NT5M: variants seen among roughly 807,000 people sequenced by gnomAD.
NT5M encodes the protein 5',3'-nucleotidase, mitochondrial.
A neutral mutation model predicts 22.2 loss-of-function variants in NT5M; 22 were observed. That is an observed-to-expected ratio of 0.99 (90% CI 0.71 to 1.41). The LOEUF is 1.41. NT5M is among the 40% of genes most tolerant of loss of function. The pLI is 0.00. For synonymous variants in NT5M, 167 were observed against 133.0 expected (o/e 1.26, Z -1.76); for missense variants, 322 against 314.8 (o/e 1.02, Z -0.17).
intron 3 of NT5M, among the ~76,000 whole-genome samples, chr17:17,324,425 A>G (rs1257643823): frequency 1.3e-5 from 2 of 151,366 alleles, no homozygotes; most frequent in Admixed American, 1.3e-4. Context: ...TGGAGGTTGC[A>G]GTGAGCCAAG....
chr17:17,329,256 G>A (rs1457411683), intron 3 of NT5M, among the ~76,000 whole-genome samples: 3 of 152,324 alleles, frequency 2.0e-5, no homozygotes, highest in South Asian at 2.1e-4. Flanking sequence ...GGGATTACAG[G>A]CGTGAGCCGC....
chr17:17,336,612 G>A (rs1394052049), intron 3 of NT5M, among the ~76,000 whole-genome samples: 4 of 147,878 alleles, frequency 2.7e-5, no homozygotes, highest in African/African-American at 5.0e-5. Context: ...GTGCAGTGGC[G>A]TGATCTCTAC....
At chr17:17,336,063 C>T (rs866720499) in intron 3 of NT5M, among the ~76,000 whole-genome samples, 29 of 138,128 alleles carry the variant, frequency 2.1e-4, no homozygotes, top group Admixed American at 8.0e-4. Context: ...AGTGCAGTGG[C>T]GCGATCTTAG....
chr17:17,346,743 A>T, intron 4 of NT5M, 62 bp from the exon 5 acceptor site: 1 of 1,595,710 alleles, frequency 6.3e-7, no homozygotes, highest in Non-Finnish European at 8.5e-7. Context: ...CCAGGTTTCC[A>T]CCCTAGGCGG....
intron 2 of NT5M, among the ~76,000 whole-genome samples, chr17:17,315,912 C>G (rs34025151): frequency 6.6e-6 from 1 of 150,614 alleles, no homozygotes; most frequent in Non-Finnish European, 1.5e-5. Context: ...CCACCACGCC[C>G]GGCTAATTTT....
intron 2 of NT5M, among the ~76,000 whole-genome samples, chr17:17,312,601 G>A (rs12949216): frequency 0.62 from 90,704 of 146,254 alleles, 28,989 homozygotes; most frequent in East Asian, 0.71. Flanking sequence ...CCAAGATTGC[G>A]CCATTGTACT....
intron 2 of NT5M, among the ~76,000 whole-genome samples, chr17:17,320,122 G>A (rs1341535959): frequency 1.3e-5 from 2 of 152,230 alleles, no homozygotes; most frequent in South Asian, 4.1e-4. Flanking sequence ...GATTACAGGC[G>A]TGAGCCACCA....
chr17:17,315,510 G>A (rs1211374920), intron 2 of NT5M, among the ~76,000 whole-genome samples: 4 of 152,296 alleles, frequency 2.6e-5, no homozygotes, highest in Non-Finnish European at 5.9e-5. Flanking sequence ...CTAGGGAGCT[G>A]AGAATTGACA....
At chr17:17,307,280 A>G (rs958230922) in intron 2 of NT5M, among the ~76,000 whole-genome samples, 1 of 152,204 alleles carries the variant, frequency 6.6e-6, no homozygotes, top group African/African-American at 2.4e-5. Context: ...TGAGCAAAGT[A>G]TAGTCCTTGC....
intron 3 of NT5M, among the ~76,000 whole-genome samples, chr17:17,341,116 A>G (rs2049632895): frequency 6.6e-6 from 1 of 152,082 alleles, no homozygotes; most frequent in African/African-American, 2.4e-5. Flanking sequence ...CTGTGTTTGT[A>G]TAGTTTCCAG....
At position 17,322,758 on chromosome 17, in the gene NT5M, G is replaced by A. The variant is rs1268224202; in HGVS notation, c.369-427G>A. 2.0e-5 allele frequency among the ~76,000 whole-genome samples: 3 copies of A among 152,190 alleles called. No individual in the cohort carries two copies. In the East Asian group the frequency reaches 5.8e-4, roughly 29 times the overall value. On this transcript the variant is annotated intron_variant, in intron 2 of 4. Coordinates refer to ENST00000389022, the MANE Select transcript of NT5M (RefSeq NM_020201.4). ...GGAGCTACGACCTTGGGGATGTGGCGCTCCTCACGCGGAGCCAAGCCAAGC... is the reference window on the plus strand; with the variant it reads ...GGAGCTACGACCTTGGGGATGTGGCACTCCTCACGCGGAGCCAAGCCAAGC...
chr17:17,318,560 C>T (rs971296699), intron 2 of NT5M, among the ~76,000 whole-genome samples: 4 of 144,476 alleles, frequency 2.8e-5, no homozygotes, highest in South Asian at 2.2e-4. Context: ...CTGAGGCGGG[C>T]GGATCATCTG....
Position 17,346,846 on chromosome 17 carries a change from G to A in NT5M, c.586G>A (p.Ala196Thr), listed in dbSNP as rs61753614. The A allele has an allele frequency of 6.4e-5, 102 of 1,605,268 alleles. No individual in the cohort carries two copies. Among genetic ancestry groups the A allele is most frequent in the Non-Finnish European group, 7.1e-5 (84 of 1,179,538 alleles). The change falls in exon 5 of 5, where the codon GCC (alanine) becomes ACC (threonine). Residue 196 changes from alanine to threonine, a missense_variant. By Grantham distance (58) the Ala-to-Thr change is moderately conservative. Transcript: ENST00000389022. ...TPSWEHVLFT[A>T]CHNQHLQLQP... Reference sequence around the variant, plus strand: ...CAGCTGGGAGCATGTCCTCTTCACCGCCTGCCACAACCAGCACCTGCAGCT... The same window carrying A: ...CAGCTGGGAGCATGTCCTCTTCACCACCTGCCACAACCAGCACCTGCAGCT...
chr17:17,331,703 G>A (rs1433298267), intron 3 of NT5M, among the ~76,000 whole-genome samples: 4 of 151,248 alleles, frequency 2.6e-5, no homozygotes, highest in Non-Finnish European at 5.9e-5. Context: ...ATCGTGCCTG[G>A]TCATAATACC....
At position 17,303,559 on chromosome 17, in the gene NT5M, G is replaced by C; in HGVS notation, c.9G>C (p.Arg3=). The change falls in exon 1 of 5, where the codon CGG becomes CGC. Residue 3 remains arginine (R), a synonymous_variant. Coordinates refer to ENST00000389022, the MANE Select transcript of NT5M (RefSeq NM_020201.4). ...GGCCAGCGCGCTGGGCCATGATCCGGCTGGGCGGCTGGTGTGCGCGGCGGC... is the reference window on the plus strand; with the variant it reads ...GGCCAGCGCGCTGGGCCATGATCCGCCTGGGCGGCTGGTGTGCGCGGCGGC... MI[R]LGGWCARRLC... The C allele has an allele frequency of 9.2e-7, 1 of 1,091,350 alleles. No homozygotes were observed. The highest frequency in any genetic ancestry group is 4.3e-5 in the South Asian group (1 of 23,134). 67.6% of individuals were successfully genotyped at this position (1,091,350 alleles called of 1,614,324 possible).
intron 1 of NT5M, among the ~76,000 whole-genome samples, chr17:17,304,838 TTTC>T (rs1274497932): frequency 2.6e-5 from 4 of 152,144 alleles, no homozygotes; most frequent in Non-Finnish European, 5.9e-5. Flanking sequence ...ACAAGTGACA[TTTC>T]TTCTGACATC....
At chr17:17,319,512 A>G (rs1273330902) in intron 2 of NT5M, among the ~76,000 whole-genome samples, 1 of 152,250 alleles carries the variant, frequency 6.6e-6, no homozygotes. Flanking sequence ...AGGACAAACT[A>G]TTGATACATT....
chr17:17,338,677 G>GTTTTTTTTTTTT (rs59650601), intron 3 of NT5M, among the ~76,000 whole-genome samples: 28 of 73,216 alleles, frequency 3.8e-4, no homozygotes, highest in East Asian at 6.8e-4. Context: ...AATGTTAAGG[G>GTTTTTTTTTTTT]TTTTTTTTTT....
intron 3 of NT5M, among the ~76,000 whole-genome samples, chr17:17,333,073 A>G (rs1363360666): frequency 6.6e-6 from 1 of 151,398 alleles, no homozygotes; most frequent in Admixed American, 6.6e-5. Context: ...GTGGTGTCTC[A>G]TTGTTGTTTT....
Sources: allele counts gnomAD v4.1 joint callset (sites outside exome capture counted in the v4.1 genomes callset), GRCh38; gene constraint gnomAD v4.1.1; transcripts MANE v1.5; gene names NCBI Gene and HGNC (gene_info 2026-07-23, HGNC 2026-07-21).